The following TWIST2 variants were observed in gnomAD, a reference collection of about 807,000 sequenced individuals.
TWIST2 encodes twist family bHLH transcription factor 2.
In TWIST2, 1 loss-of-function variant was observed where a neutral mutation model predicts 11.6. That is an observed-to-expected ratio of 0.09 (90% CI 0.03 to 0.41). TWIST2 has a LOEUF of 0.41. Ranked by LOEUF, TWIST2 falls within the 10% of genes least tolerant of loss-of-function variation. The probability of loss-of-function intolerance (pLI) is 0.98; values close to 1 mark genes in which losing one functional copy is unlikely to be tolerated. For synonymous variants in TWIST2, 87 were observed against 96.6 expected (o/e 0.90, Z 0.58); for missense variants, 168 against 226.4 (o/e 0.74, Z 1.66).
At chr2:238,887,626 G>A (rs1338798035) in intron 1 of TWIST2, among the ~76,000 whole-genome samples, 2 of 152,160 alleles carry the variant, frequency 1.3e-5, no homozygotes, top group Non-Finnish European at 2.9e-5. Context: ...AGGGCCATAG[G>A]ACTAGTTCCA....
At chr2:238,850,981 A>G (rs568190473) in intron 1 of TWIST2, among the ~76,000 whole-genome samples, 1 of 152,336 alleles carries the variant, frequency 6.6e-6, no homozygotes, top group South Asian at 2.1e-4. Context: ...TCTTTAACTC[A>G]TTATTCCCTA....
intron 1 of TWIST2, among the ~76,000 whole-genome samples, chr2:238,894,883 C>T (rs965942045): frequency 5.9e-5 from 9 of 152,212 alleles, no homozygotes; most frequent in African/African-American, 1.9e-4. Flanking sequence ...TATAATAATA[C>T]ATTTGCAGTC....
intron 1 of TWIST2, among the ~76,000 whole-genome samples, chr2:238,878,119 A>T (rs1292651433): frequency 6.6e-6 from 1 of 152,206 alleles, no homozygotes; most frequent in East Asian, 1.9e-4. Context: ...ACCCAAGAAC[A>T]GCCCAGGATG....
At chr2:238,881,901 T>C (rs1692943086) in intron 1 of TWIST2, among the ~76,000 whole-genome samples, 1 of 152,102 alleles carries the variant, frequency 6.6e-6, no homozygotes, top group South Asian at 2.1e-4. Flanking sequence ...TTTCCATCCA[T>C]GAGAGCCCGT....
At chr2:238,873,716 G>A (rs554183414) in intron 1 of TWIST2, among the ~76,000 whole-genome samples, 26 of 152,222 alleles carry the variant, frequency 1.7e-4, no homozygotes, top group Non-Finnish European at 2.9e-4. Flanking sequence ...AGAGTCAGAA[G>A]CAAATCTGGG....
chr2:238,888,240 T>C (rs748290991), intron 1 of TWIST2, among the ~76,000 whole-genome samples: 3 of 152,272 alleles, frequency 2.0e-5, no homozygotes, highest in Non-Finnish European at 4.4e-5. Flanking sequence ...TTCTTATCTT[T>C]GGCTCAAGGT....
In TWIST2 at chr2:238,848,318, T is replaced by C. The variant is rs1692169647; in HGVS notation, c.103T>C (p.Tyr35His). Residue 35 changes from tyrosine (Y) to histidine (H), a missense_variant, in exon 1 of 2, where the codon TAC becomes CAC. Tyr to His is a moderately conservative substitution (Grantham distance 83). Coordinates refer to ENST00000612363, the MANE Select transcript of TWIST2 (RefSeq NM_001271893.4). ...CAAGCGCTTCGGCCGGAAGCGGCGC[T>C]ACAGCAAGAAGTCGAGCGAAGATGG... ...QPKRFGRKRRYSKKSSEDGSP... is the reference protein window; with the variant it reads ...QPKRFGRKRRHSKKSSEDGSP... 1 of 1,534,364 alleles carries C rather than the reference T, an allele frequency of 6.5e-7. No individual in the cohort carries two copies.
intron 1 of TWIST2, among the ~76,000 whole-genome samples, chr2:238,868,951 G>T (rs1048959133): frequency 1.1e-4 from 16 of 152,362 alleles, no homozygotes; most frequent in African/African-American, 3.8e-4. Flanking sequence ...TCATCTCAGA[G>T]GGGTCAGTTG....
At chr2:238,855,272 G>A (rs535863936) in intron 1 of TWIST2, among the ~76,000 whole-genome samples, 2 of 152,284 alleles carry the variant, frequency 1.3e-5, no homozygotes, top group South Asian at 4.1e-4. Context: ...AAATTGGAAG[G>A]GAAGGGAAAG....
intron 1 of TWIST2, among the ~76,000 whole-genome samples, chr2:238,897,759 C>A (rs1433915906): frequency 4.6e-5 from 7 of 152,244 alleles, no homozygotes; most frequent in Non-Finnish European, 1.0e-4. Context: ...TGGCCAGCTT[C>A]ATGCTGGCAC....
intron 1 of TWIST2, among the ~76,000 whole-genome samples, chr2:238,897,595 C>T (rs1180857790): frequency 6.6e-6 from 1 of 152,252 alleles, no homozygotes; most frequent in Admixed American, 6.5e-5. Context: ...TCCGAGGTCC[C>T]CTGCCCTGCT....
intron 1 of TWIST2, among the ~76,000 whole-genome samples, chr2:238,865,015 G>T (rs943230145): frequency 6.6e-6 from 1 of 152,182 alleles, no homozygotes; most frequent in East Asian, 1.9e-4. Context: ...GACATAAAGG[G>T]TTTGAGAAAC....
intron 1 of TWIST2, among the ~76,000 whole-genome samples, chr2:238,877,380 AG>A (rs1692825981): frequency 6.6e-6 from 1 of 152,184 alleles, no homozygotes; most frequent in Non-Finnish European, 1.5e-5. Flanking sequence ...TAACATTTGT[AG>A]ATGATACAGT....
chr2:238,853,477 G>GAGAGAGAGAA (rs1553566016), intron 1 of TWIST2, among the ~76,000 whole-genome samples: 1 of 151,152 alleles, frequency 6.6e-6, no homozygotes, highest in African/African-American at 2.4e-5. Context: ...GAGAGAGAGA[G>GAGAGAGAGAA]AGAAACTCAA....
At chr2:238,861,408 G>A (rs1401357708) in intron 1 of TWIST2, among the ~76,000 whole-genome samples, 3 of 152,108 alleles carry the variant, frequency 2.0e-5, no homozygotes. Flanking sequence ...TATGCCTGGG[G>A]GGACACTGGA....
chr2:238,897,425 C>A (rs1693219577), intron 1 of TWIST2, among the ~76,000 whole-genome samples: 1 of 152,110 alleles, frequency 6.6e-6, no homozygotes, highest in African/African-American at 2.4e-5. Flanking sequence ...CAAGTGGGAC[C>A]CCCTTGCCAC....
chr2:238,863,430 G>A lies in TWIST2; in HGVS notation c.*35+14697G>A, dbSNP rs1195385628. Among the ~76,000 whole-genome samples the A allele has an allele frequency of 6.6e-6, 1 of 152,180 alleles. No homozygotes were observed. The highest frequency in any genetic ancestry group is 2.4e-5 in the African/African-American group (1 of 41,440). ...AAGGATGCACCCGGAATGTACCAGC[G>A]CGGCTCCCTGATGGAGCTGGCGACG... On this transcript the variant is annotated intron_variant, in intron 1 of 1. Transcript: ENST00000612363. This position sits in a 1 kb window ranked among gnomAD's most constrained non-coding sequence, Gnocchi z 4.7.
rs1364732487 is a variant in TWIST2 at position 238,867,226 on chromosome 2, G to A, written c.*35+18493G>A. ...CCGAATTTCTTCTGCAGAAGAGAAG[G>A]GGTAGAGGTGGAGAAAGAGGGAGAG... On this transcript the variant is annotated intron_variant, in intron 1 of 1. Coordinates refer to ENST00000612363, the MANE Select transcript of TWIST2 (RefSeq NM_001271893.4). The surrounding 1 kb of genome is among the most constrained non-coding windows in gnomAD (Gnocchi z 4.8). 6.6e-6 allele frequency among the ~76,000 whole-genome samples: 1 copy of A among 152,094 alleles called. No individual in the cohort carries two copies. Among genetic ancestry groups the A allele is most frequent in the African/African-American group, 2.4e-5 (1 of 41,412 alleles).
At chr2:238,888,443 A>G (rs1469142155) in intron 1 of TWIST2, among the ~76,000 whole-genome samples, 2 of 152,230 alleles carry the variant, frequency 1.3e-5, no homozygotes, top group South Asian at 4.1e-4. Context: ...ATTAAAGACA[A>G]CCTGGGAGGG....
Sources: gnomAD v4.1 joint callset for allele counts (sites outside exome capture counted in the v4.1 genomes callset) on GRCh38, gnomAD v4.1.1 for gene constraint, Gnocchi (gnomAD v3.1) non-coding constraint, MANE v1.5 for transcripts, NCBI Gene and HGNC (gene_info 2026-07-23, HGNC 2026-07-21) for gene names.